The following ADAM12 variants were observed in gnomAD, a reference collection of about 807,000 sequenced individuals.
The protein encoded by ADAM12 is ADAM metallopeptidase domain 12.
Under a neutral mutation model 106.4 loss-of-function variants are expected in ADAM12, and 70 were observed. That is an observed-to-expected ratio of 0.66 (90% CI 0.54 to 0.80). ADAM12 has a LOEUF of 0.80. Among genes scored for constraint, ADAM12 ranks in the 30% least tolerant of loss-of-function variants. The pLI is 0.00. For missense variants in ADAM12, 1,010 were observed against 1,171.9 expected (o/e 0.86, Z 2.02); for synonymous variants, 420 against 433.5 (o/e 0.97, Z 0.39).
intron 11 of ADAM12, among the ~76,000 whole-genome samples, chr10:126,080,354 A>T (rs1449978974): frequency 6.6e-6 from 1 of 152,322 alleles, no homozygotes; most frequent in East Asian, 1.9e-4. Context: ...ACTTTTTAAC[A>T]TGTCTAATAA....
intron 3 of ADAM12, among the ~76,000 whole-genome samples, chr10:126,251,783 TTGGA>T (rs531076248): frequency 0.031 from 4,523 of 148,120 alleles, 71 homozygotes; most frequent in African/African-American, 0.066. Flanking sequence ...GATGAATGGA[TTGGA>T]TGGATGGATG....
intron 5 of ADAM12, among the ~76,000 whole-genome samples, chr10:126,132,803 T>G (rs1314317970): frequency 6.6e-6 from 1 of 152,036 alleles, no homozygotes; most frequent in African/African-American, 2.4e-5. Context: ...GGTGAGAACA[T>G]CTACCTGGGG....
chr10:126,343,720 T>C (rs982239315), intron 1 of ADAM12, among the ~76,000 whole-genome samples: 4 of 152,226 alleles, frequency 2.6e-5, no homozygotes, highest in South Asian at 2.1e-4. Context: ...TGATCACCAT[T>C]CTAACTGGTG....
At chr10:126,281,351 A>G (rs143349843) in intron 2 of ADAM12, among the ~76,000 whole-genome samples, 1,880 of 152,288 alleles carry the variant, frequency 0.012, 31 homozygotes, top group African/African-American at 0.036. Context: ...CAGATCACAT[A>G]CCTTAAATGG....
chr10:126,257,497 T>G (rs1248866849), intron 3 of ADAM12, among the ~76,000 whole-genome samples: 1 of 152,238 alleles, frequency 6.6e-6, no homozygotes, highest in Non-Finnish European at 1.5e-5. Context: ...TTCACCAACT[T>G]TCTCAGGTGC....
intron 21 of ADAM12, among the ~76,000 whole-genome samples, chr10:126,028,869 C>T (rs1417025405): frequency 1.3e-5 from 2 of 152,040 alleles, no homozygotes; most frequent in East Asian, 1.9e-4. Context: ...TCAATCTATC[C>T]ATCTGACAAA....
chr10:126,227,725 T>A (rs1012326105), intron 3 of ADAM12, among the ~76,000 whole-genome samples: 4 of 152,142 alleles, frequency 2.6e-5, no homozygotes, highest in Admixed American at 1.3e-4. Context: ...AGTACCCCCA[T>A]CACCTTTCTC....
At chr10:126,068,868 A>G (rs564505820) in intron 12 of ADAM12, among the ~76,000 whole-genome samples, 1 of 152,370 alleles carries the variant, frequency 6.6e-6, no homozygotes, top group East Asian at 1.9e-4. Context: ...GGTTGTAGGT[A>G]GCAGACACAG....
At chr10:126,153,142 T>A (rs1956758143) in intron 4 of ADAM12, among the ~76,000 whole-genome samples, 1 of 152,238 alleles carries the variant, frequency 6.6e-6, no homozygotes, top group Non-Finnish European at 1.5e-5. Context: ...ATTTCTCTCA[T>A]CTTTGTATGA....
intron 1 of ADAM12, among the ~76,000 whole-genome samples, chr10:126,377,639 C>A (rs1856341430): frequency 6.6e-6 from 1 of 152,190 alleles, no homozygotes; most frequent in Admixed American, 6.5e-5. Context: ...TCAATCCAAT[C>A]AAGCTTAACC....
At chr10:126,165,915 G>A (rs537299525) in intron 3 of ADAM12, among the ~76,000 whole-genome samples, 6 of 152,198 alleles carry the variant, frequency 3.9e-5, no homozygotes, top group African/African-American at 1.2e-4. Context: ...AATGGAGCAC[G>A]TACATTCCAT....
chr10:126,121,218 T>A (rs1590445146), intron 5 of ADAM12, among the ~76,000 whole-genome samples: 1 of 98,810 alleles, frequency 1.0e-5, no homozygotes, highest in Non-Finnish European at 1.9e-5. Flanking sequence ...CTATATATAT[T>A]ATATACTATA....
chr10:126,035,607 T>C (rs1282396817), intron 21 of ADAM12, among the ~76,000 whole-genome samples: 2 of 152,212 alleles, frequency 1.3e-5, no homozygotes, highest in African/African-American at 4.8e-5. Flanking sequence ...TTTTCTATTG[T>C]GAAATATCAT....
chr10:126,310,609 G>T lies in ADAM12; in HGVS notation c.186+19803C>A, dbSNP rs190049397. Among the ~76,000 whole-genome samples, 3 of 152,294 alleles carry T rather than the reference G, an allele frequency of 2.0e-5. No homozygotes were observed. The East Asian group carries it at 5.8e-4, about 29-fold the overall frequency. ...TCTGAGATGCCTGGTGGCTGAGGTA[G>T]GGGCAGAAAGGCAGGTGGGTGCAGA... On this transcript the variant is annotated intron_variant, in intron 2 of 22. Transcript: ENST00000448723.
chr10:126,068,604 C>T (rs993415380), intron 12 of ADAM12, among the ~76,000 whole-genome samples: 1 of 152,194 alleles, frequency 6.6e-6, no homozygotes, highest in Non-Finnish European at 1.5e-5. Flanking sequence ...GTCAGGATTT[C>T]CTTATGTTGA....
In ADAM12 at chr10:126,106,811, C is replaced by T. The variant is rs1474555061; in HGVS notation, c.741+1782G>A. ...GCCTTTATCATTTCTATGCAATAGG[C>T]TCCTCTCAGCCCTATTTGTCTTTGG... On this transcript the variant is annotated intron_variant, in intron 8 of 22. Coordinates refer to ENST00000448723, the MANE Select transcript of ADAM12 (RefSeq NM_001288973.2). Among the ~76,000 whole-genome samples the T allele has an allele frequency of 2.6e-5, 4 of 152,306 alleles. 1 individual carries two copies. The highest frequency in any genetic ancestry group is 4.2e-4 in the South Asian group (2 of 4,818).
At chr10:126,108,752 G>T (rs2133598055) in intron 7 of ADAM12, 88 bp from the exon 8 acceptor site, 1 of 1,275,888 alleles carries the variant, frequency 7.8e-7, no homozygotes, top group East Asian at 2.4e-5. Flanking sequence ...GAAGTCTTGG[G>T]ATTTTACAAA....
intron 14 of ADAM12, among the ~76,000 whole-genome samples, chr10:126,058,517 T>C (rs1359330667): frequency 6.6e-6 from 1 of 152,254 alleles, no homozygotes; most frequent in Non-Finnish European, 1.5e-5. Context: ...AGGTAAATTG[T>C]TATTCCCTCA....
chr10:126,268,988 G>T (rs1959154509), intron 3 of ADAM12, among the ~76,000 whole-genome samples: 1 of 152,196 alleles, frequency 6.6e-6, no homozygotes, highest in South Asian at 2.1e-4. Flanking sequence ...CTACTCCATA[G>T]ACACAGCAGC....
Sources: gnomAD v4.1 joint callset for allele counts (sites outside exome capture counted in the v4.1 genomes callset) on GRCh38, gnomAD v4.1.1 for gene constraint, MANE v1.5 for transcripts, NCBI Gene and HGNC (gene_info 2026-07-23, HGNC 2026-07-21) for gene names.